WBP4: variants seen among roughly 807,000 people sequenced by gnomAD.
WBP4 encodes the protein WW domain-binding protein 4.
Under a neutral mutation model 55.4 loss-of-function variants are expected in WBP4, and 37 were observed. That is an observed-to-expected ratio of 0.67 (90% CI 0.51 to 0.88). WBP4 has a LOEUF of 0.88. WBP4 is among the 40% of genes least tolerant of loss of function. WBP4 has a pLI of 0.00. For missense variants in WBP4, 398 were observed against 420.8 expected, an observed-to-expected ratio of 0.95 and a Z score of 0.47; for synonymous variants, 142 against 140.2, an observed-to-expected ratio of 1.01 and a Z score of -0.09.
chr13:41,068,869 C>T, intron 5 of WBP4, 132 bp downstream of exon 5: 1 of 1,027,984 alleles, frequency 9.7e-7, no homozygotes, highest in South Asian at 2.8e-5. Context: ...CATTTTTGCC[C>T]CAAAGGTAAG....
At chr13:41,071,994 C>G (rs573137171) in intron 6 of WBP4, among the ~76,000 whole-genome samples, 12 of 146,832 alleles carry the variant, frequency 8.2e-5, no homozygotes, top group Admixed American at 4.3e-4. Context: ...AACAGTGAGC[C>G]GAGATTGCAC....
intron 7 of WBP4, among the ~76,000 whole-genome samples, chr13:41,075,166 A>G (rs956328283): frequency 1.3e-5 from 2 of 151,942 alleles, no homozygotes; most frequent in African/African-American, 4.8e-5. Flanking sequence ...CACTCTTAAA[A>G]CTCTCCCAGT....
chr13:41,061,768 C>G, intron 1 of WBP4, 93 bp downstream of exon 1: 1 of 1,581,016 alleles, frequency 6.3e-7, no homozygotes, highest in Non-Finnish European at 8.6e-7. Context: ...TCCCGCCCTT[C>G]GGCCGGGGGC....
At chr13:41,081,171 T>A (rs1481183760) in intron 9 of WBP4, among the ~76,000 whole-genome samples, 4 of 151,842 alleles carry the variant, frequency 2.6e-5, no homozygotes, top group Non-Finnish European at 5.9e-5. Context: ...GACTCCAGCC[T>A]AGCAGCAGAG....
chr13:41,075,907 T>C, intron 7 of WBP4, 137 bp from the exon 8 acceptor site: 1 of 966,480 alleles, frequency 1.0e-6, no homozygotes, highest in Non-Finnish European at 1.5e-6. Context: ...AGAACTCTGT[T>C]ATCTTCTTGA....
intron 8 of WBP4, among the ~76,000 whole-genome samples, chr13:41,076,644 A>G (rs1156640650): frequency 2.0e-5 from 3 of 152,250 alleles, no homozygotes; most frequent in South Asian, 4.1e-4. Flanking sequence ...AAATTAAGAC[A>G]TATTTTGGCA....
intron 1 of WBP4, among the ~76,000 whole-genome samples, 178 bp downstream of exon 1, chr13:41,061,853 T>C (rs545808343): frequency 6.6e-6 from 1 of 151,918 alleles, no homozygotes; most frequent in Non-Finnish European, 1.5e-5. Context: ...GGGGTAGAAA[T>C]GTTACCCCGC....
In WBP4 at chr13:41,061,663, C is replaced by T. The variant is rs766318345; in HGVS notation, c.-11C>T. 4.3e-6 allele frequency: 7 copies of T among 1,614,124 alleles called. No homozygotes were observed. Among genetic ancestry groups the T allele is most frequent in the East Asian group, 4.5e-5 (2 of 44,878 alleles). On this transcript the variant is annotated 5_prime_UTR_variant, in exon 1 of 10. Coordinates refer to ENST00000379487, the MANE Select transcript of WBP4 (RefSeq NM_007187.5). ...GAACCCTGGACGACTTGCAGAGCGGCTGGCGCAGTCATGTGAGTTGGGTCT... is the reference window on the plus strand; with the variant it reads ...GAACCCTGGACGACTTGCAGAGCGGTTGGCGCAGTCATGTGAGTTGGGTCT...
chr13:41,079,599 A>G (rs1256808729), intron 8 of WBP4, among the ~76,000 whole-genome samples: 2 of 152,100 alleles, frequency 1.3e-5, no homozygotes, highest in African/African-American at 2.4e-5. Flanking sequence ...ATGCAGAGAA[A>G]GGGAAACACT....
chr13:41,072,657 G>A, intron 6 of WBP4, 125 bp from the exon 7 acceptor site: 1 of 726,258 alleles, frequency 1.4e-6, no homozygotes, highest in Non-Finnish European at 2.3e-6. Flanking sequence ...ATTTGGGTGG[G>A]GATGCAGATC....
rs977116574 is a variant in WBP4 at position 41,071,512 on chromosome 13, A to G, written c.440-15A>G. The G allele has an allele frequency of 2.5e-6, 4 of 1,588,822 alleles. No homozygotes were observed. The highest frequency in any genetic ancestry group is 1.2e-5 in the South Asian group (1 of 85,818). ...AGCAAAAAGATTTTATAAATGCAAT[A>G]TATTTTGCTTTAAGCATCTCAGTGG... On this transcript the variant is annotated splice_polypyrimidine_tract_variant and intron_variant, in intron 5 of 9. Coordinates refer to ENST00000379487, the MANE Select transcript of WBP4 (RefSeq NM_007187.5).
rs1265089635 is a variant in WBP4 at position 41,082,979 on chromosome 13, CTG to C, written c.*69_*70del. ...GGAGACTTATACACCCAAAGTTTAT[CTG>C]TGTTTGTTTGTAAGTATTATGATGC... On this transcript the variant is annotated 3_prime_UTR_variant, in exon 10 of 10. Coordinates refer to ENST00000379487, the MANE Select transcript of WBP4 (RefSeq NM_007187.5). The C allele has an allele frequency of 7.6e-6, 11 of 1,453,644 alleles. No individual in the cohort carries two copies. The African/African-American group carries it at 1.6e-4, about 21-fold the overall frequency. 90.0% of individuals were successfully genotyped at this position (1,453,644 alleles called of 1,614,324 possible).
At chr13:41,062,096 GTTTTTTTTTTT>G (rs60658317) in intron 1 of WBP4, 55 of 805,742 alleles carry the variant, frequency 6.8e-5, no homozygotes, top group African/African-American at 3.2e-4. Flanking sequence ...TAGCGTAATG[GTTTTTTTTTTT>G]TTTTTTTTTT....
At chr13:41,073,878 T>C (rs1174974447) in intron 7 of WBP4, among the ~76,000 whole-genome samples, 1 of 152,104 alleles carries the variant, frequency 6.6e-6, no homozygotes, top group African/African-American at 2.4e-5. Flanking sequence ...AATTTAACAA[T>C]GTTTCAGTTG....
intron 4 of WBP4, among the ~76,000 whole-genome samples, 166 bp downstream of exon 4, chr13:41,065,453 T>C (rs1274685491): frequency 1.3e-5 from 2 of 152,186 alleles, no homozygotes; most frequent in Non-Finnish European, 2.9e-5. Flanking sequence ...AGTTTGCTTA[T>C]GCCCTTTTGT....
intron 1 of WBP4, 30 bp from the exon 2 acceptor site, chr13:41,062,614 G>C: frequency 6.3e-7 from 1 of 1,595,624 alleles, no homozygotes; most frequent in Non-Finnish European, 8.5e-7. Context: ...AGTTTTACAT[G>C]AGCTTAGCCT....
At chr13:41,073,198 C>A (rs1469984616) in intron 7 of WBP4, among the ~76,000 whole-genome samples, 1 of 152,164 alleles carries the variant, frequency 6.6e-6, no homozygotes, top group Non-Finnish European at 1.5e-5. Flanking sequence ...TCATCTGGCT[C>A]AACTTGCCTT....
intron 7 of WBP4, among the ~76,000 whole-genome samples, chr13:41,075,589 C>T (rs1000541227): frequency 3.3e-5 from 5 of 152,124 alleles, no homozygotes; most frequent in Admixed American, 1.3e-4. Context: ...CTATGTTGCC[C>T]GGGCTGGTCT....
chr13:41,080,921 C>A, intron 9 of WBP4, 112 bp downstream of exon 9: 1 of 1,211,496 alleles, frequency 8.3e-7, no homozygotes, highest in Non-Finnish European at 1.2e-6. Context: ...AAAAGTATAG[C>A]TTGAGGCCAG....
Sources: allele counts gnomAD v4.1 joint callset (sites outside exome capture counted in the v4.1 genomes callset), GRCh38; gene constraint gnomAD v4.1.1; transcripts MANE v1.5; gene names NCBI Gene and HGNC (gene_info 2026-07-23, HGNC 2026-07-21).